Variants in ESRRG observed in about 807,000 individuals in gnomAD.
ESRRG encodes estrogen related receptor gamma.
A neutral mutation model predicts 44.0 loss-of-function variants in ESRRG; 13 were observed. That is an observed-to-expected ratio of 0.30 (90% CI 0.19 to 0.47). The LOEUF is 0.47. ESRRG is among the 20% of genes least tolerant of loss of function. The probability of loss-of-function intolerance (pLI) is 1.00; values close to 1 mark genes in which losing one functional copy is unlikely to be tolerated. For missense variants in ESRRG, 395 were observed against 580.6 expected, an observed-to-expected ratio of 0.68 and a Z score of 3.29; for synonymous variants, 215 against 214.6, an observed-to-expected ratio of 1.00 and a Z score of -0.02.
chr1:216,728,091 A>G (rs564474499), upstream of ESRRG, among the ~76,000 whole-genome samples: 30 of 152,218 alleles, frequency 2.0e-4, 1 homozygote, highest in Non-Finnish European at 2.1e-4. Flanking sequence ...TATTTCCATC[A>G]TACTTACCCT....
At chr1:217,120,689 GA>G (rs1558283968) in intron 1 of ESRRG, among the ~76,000 whole-genome samples, 1 of 152,102 alleles carries the variant, frequency 6.6e-6, no homozygotes, top group East Asian at 1.9e-4. Flanking sequence ...CTTAATATAT[GA>G]TTTTTGAACC....
At chr1:216,634,621 A>C (rs910746778) in intron 3 of ESRRG, among the ~76,000 whole-genome samples, 2 of 152,188 alleles carry the variant, frequency 1.3e-5, no homozygotes, top group African/African-American at 4.8e-5. Context: ...CTTTAATTAG[A>C]GACGAGCCAG....
chr1:216,999,901 G>A (rs2076812206), intron 1 of ESRRG, among the ~76,000 whole-genome samples: 1 of 152,050 alleles, frequency 6.6e-6, no homozygotes, highest in South Asian at 2.1e-4. Context: ...TCCCATGTTT[G>A]TTTCTAAAAG....
At chr1:217,117,721 A>T (rs1220873082) in intron 1 of ESRRG, among the ~76,000 whole-genome samples, 3 of 152,214 alleles carry the variant, frequency 2.0e-5, no homozygotes, top group Admixed American at 2.0e-4. Context: ...TTCCAAGTTC[A>T]ACCTGGTAAT....
At chr1:216,652,994 A>C (rs1403360943) in intron 2 of ESRRG, among the ~76,000 whole-genome samples, 1 of 152,156 alleles carries the variant, frequency 6.6e-6, no homozygotes, top group African/African-American at 2.4e-5. Context: ...AAAGTTTACC[A>C]AACAGCATTC....
intron 1 of ESRRG, among the ~76,000 whole-genome samples, chr1:216,709,484 C>A (rs897930262): frequency 1.3e-5 from 2 of 151,754 alleles, no homozygotes; most frequent in South Asian, 2.1e-4. Context: ...ATATATCCAA[C>A]CTTTAATCTA....
At chr1:216,543,996 G>T (rs4147271) in intron 5 of ESRRG, among the ~76,000 whole-genome samples, 43,982 of 151,824 alleles carry the variant, frequency 0.29, 7,366 homozygotes, top group Admixed American at 0.4. Flanking sequence ...CTATTCAGGA[G>T]GCAAATGTTC....
intron 2 of ESRRG, among the ~76,000 whole-genome samples, chr1:216,880,696 T>G (rs1362087684): frequency 6.6e-6 from 1 of 152,206 alleles, no homozygotes; most frequent in Admixed American, 6.5e-5. Context: ...TAGAAGCTAT[T>G]GGATATATTG....
chr1:216,575,286 A>G (rs967941772), intron 3 of ESRRG, among the ~76,000 whole-genome samples: 2 of 152,110 alleles, frequency 1.3e-5, no homozygotes, highest in African/African-American at 4.8e-5. Context: ...CAAACAGTAG[A>G]TATTTTCTCT....
intron 1 of ESRRG, among the ~76,000 whole-genome samples, chr1:217,057,174 G>A (rs1417328600): frequency 1.3e-5 from 2 of 152,156 alleles, no homozygotes; most frequent in Non-Finnish European, 2.9e-5. Context: ...AGAAAGTCTT[G>A]ACCAAAGTGG....
chr1:216,643,609 T>C (rs2066897623), intron 3 of ESRRG, among the ~76,000 whole-genome samples: 1 of 152,150 alleles, frequency 6.6e-6, no homozygotes, highest in South Asian at 2.1e-4. Context: ...TGACTCCTGA[T>C]GTACACTGCC....
intron 2 of ESRRG, among the ~76,000 whole-genome samples, chr1:216,736,967 A>T (rs1397421288): frequency 1.3e-5 from 2 of 152,166 alleles, no homozygotes; most frequent in Non-Finnish European, 2.9e-5. Context: ...TCGCTTTGTT[A>T]TTCATATATT....
At chr1:217,104,479 T>A (rs1172257957) in intron 1 of ESRRG, among the ~76,000 whole-genome samples, 3 of 152,242 alleles carry the variant, frequency 2.0e-5, no homozygotes, top group African/African-American at 7.2e-5. Context: ...GTAATTCAAC[T>A]ATCTGAGCTT....
intron 2 of ESRRG, among the ~76,000 whole-genome samples, chr1:216,853,134 G>A (rs931479827): frequency 1.6e-4 from 25 of 152,152 alleles, no homozygotes; most frequent in African/African-American, 6.0e-4. Context: ...TATGCATTAT[G>A]CTAAAGGACT....
intron 2 of ESRRG, among the ~76,000 whole-genome samples, chr1:216,658,357 G>A (rs1190954283): frequency 6.6e-6 from 1 of 152,088 alleles, no homozygotes; most frequent in Non-Finnish European, 1.5e-5. Flanking sequence ...TTGTAAACAT[G>A]GGCATTCCTT....
At chr1:216,671,806 A>AT (rs1218852329) in intron 2 of ESRRG, among the ~76,000 whole-genome samples, 1 of 152,144 alleles carries the variant, frequency 6.6e-6, no homozygotes, top group Non-Finnish European at 1.5e-5. Context: ...TAGAATGGCT[A>AT]TATTATCTAC....
At chr1:216,926,373 T>C (rs2062573772) in intron 2 of ESRRG, among the ~76,000 whole-genome samples, 1 of 146,920 alleles carries the variant, frequency 6.8e-6, no homozygotes, top group African/African-American at 2.5e-5. Context: ...GTACTTCAGC[T>C]CAACCACTTT....
chr1:216,965,142 G>A (rs569542991), intron 1 of ESRRG, among the ~76,000 whole-genome samples: 1 of 146,652 alleles, frequency 6.8e-6, no homozygotes, highest in Admixed American at 6.9e-5. Flanking sequence ...TTATGCAACC[G>A]AAAAGTTACA....
chr1:216,514,667 T>C (rs2043665369), intron 6 of ESRRG, among the ~76,000 whole-genome samples: 5 of 152,204 alleles, frequency 3.3e-5, no homozygotes, highest in Admixed American at 2.6e-4. Flanking sequence ...GGAATAGAAA[T>C]AGCTCATTGA....
Sources: gnomAD v4.1 joint callset for allele counts (sites outside exome capture counted in the v4.1 genomes callset) on GRCh38, gnomAD v4.1.1 for gene constraint, MANE v1.5 for transcripts, NCBI Gene and HGNC (gene_info 2026-07-23, HGNC 2026-07-21) for gene names.